The following PCM1 variants were observed in gnomAD, a reference collection of about 807,000 sequenced individuals.
PCM1 encodes pericentriolar material 1, also known as pericentriolar material 1 protein.
Under a neutral mutation model 241.9 loss-of-function variants are expected in PCM1, and 157 were observed. That is an observed-to-expected ratio of 0.65 (90% CI 0.57 to 0.74). The LOEUF (loss-of-function observed/expected upper bound fraction) is 0.74, where lower values mean the gene tolerates loss of function less well. Among genes scored for constraint, PCM1 ranks in the 30% least tolerant of loss-of-function variants. The probability of loss-of-function intolerance (pLI) is 0.00; values close to 1 mark genes in which losing one functional copy is unlikely to be tolerated. For missense variants in PCM1, 3,478 were observed against 2,360.1 expected, an observed-to-expected ratio of 1.47 and a Z score of -9.81; for synonymous variants, 1,085 against 784.9, an observed-to-expected ratio of 1.38 and a Z score of -6.39.
chr8:17,975,887 A>T (rs1355032485), intron 23 of PCM1, among the ~76,000 whole-genome samples: 1 of 152,146 alleles, frequency 6.6e-6, no homozygotes, highest in Non-Finnish European at 1.5e-5. Flanking sequence ...TCAGACTTAG[A>T]CCTTATGAGT....
intron 23 of PCM1, 50 bp from the exon 24 acceptor site, chr8:17,980,541 T>C: frequency 6.8e-7 from 1 of 1,479,314 alleles, no homozygotes; most frequent in Middle Eastern, 1.8e-4. Context: ...ATTTCCCTTT[T>C]AGTTTGAGTT....
At position 17,953,046 on chromosome 8, in the gene PCM1, C is replaced by A; in HGVS notation, c.1148C>A (p.Pro383Gln). ...AGGGAGGTTTCCCAGAGCAGGAAAC[C>A]ATCAGCTTCAGAACGTTTACCTGAT... Reference protein sequence around the residue: ...LTREVSQSRKPSASERLPDEK... With the variant: ...LTREVSQSRKQSASERLPDEK... Residue 383 changes from proline to glutamine, a missense_variant, in exon 9 of 39, where the codon CCA becomes CAA. Coordinates refer to ENST00000325083, the MANE Select transcript of PCM1 (RefSeq NM_006197.4). 6.2e-7 allele frequency: 1 copy of A among 1,607,386 alleles called. No individual in the cohort carries two copies. The highest frequency in any genetic ancestry group is 1.1e-5 in the South Asian group (1 of 89,662).
rs373373091 is a variant in PCM1 at position 17,985,514 on chromosome 8, A to C, written c.4176A>C (p.Leu1392Phe). 4.4e-6 allele frequency: 7 copies of C among 1,579,004 alleles called. No individual in the cohort carries two copies. The African/African-American group carries it at 9.4e-5, about 21-fold the overall frequency. ...RDTIYSEVAT[L>F]ISQNESRPHF... is the part of the protein sequence containing the mutation. ...CTATTTATTCTGAAGTAGCTACATT[A>C]ATTTCTCAAAATGAATCTCGTCCAC... The change falls in exon 25 of 39, where the codon TTA becomes TTC. Residue 1392 changes from leucine (L) to phenylalanine (F), a missense_variant. By Grantham distance (22) the Leu-to-Phe change is conservative (BLOSUM62 0). Transcript: ENST00000325083.
chr8:17,983,214 T>G, intron 24 of PCM1: 1 of 1,300,418 alleles, frequency 7.7e-7, no homozygotes, highest in South Asian at 1.2e-5. Flanking sequence ...TTCATCCTTA[T>G]GTCTGCCCTT....
In PCM1 at chr8:18,024,202, A is replaced by G. The variant is rs149905218; in HGVS notation, c.5842-1159A>G. Among the ~76,000 whole-genome samples the G allele has an allele frequency of 1.2e-3, 190 of 152,308 alleles. 1 individual carries two copies. Among genetic ancestry groups the G allele is most frequent in the African/African-American group, 4.3e-3 (178 of 41,568 alleles). ...GGCAACATAGTAAGACCCTGTCTCT[A>G]CAAAAAATTAAAAATTAGCCAGGCG... On this transcript the variant is annotated intron_variant, in intron 36 of 38. Transcript: ENST00000325083.
intron 7 of PCM1, among the ~76,000 whole-genome samples, chr8:17,948,492 TC>T (rs1351178038): frequency 6.6e-6 from 1 of 151,414 alleles, no homozygotes; most frequent in African/African-American, 2.4e-5. Flanking sequence ...TTTAGTAGAG[TC>T]GGGGTTTCAC....
rs772384244 is a variant in PCM1 at position 17,950,730 on chromosome 8, C to G, written c.1071+6C>G. 1 of 1,483,192 alleles carries G rather than the reference C, an allele frequency of 6.7e-7. No individual in the cohort carries two copies. The allele number at this position is 1,483,192 out of a possible 1,614,324, so 91.9% of individuals were successfully genotyped here. A position where few individuals can be genotyped will look rare whatever the true frequency, so the allele number is the denominator to read the frequency against. Reference sequence around the variant, plus strand: ...ATCAGCTTCGTGATTCTCAGGTAACCTAGATGTTTTAGTATAGTTGAGTTT... The same window carrying G: ...ATCAGCTTCGTGATTCTCAGGTAACGTAGATGTTTTAGTATAGTTGAGTTT... On this transcript the variant is annotated splice_donor_region_variant and intron_variant, in intron 8 of 38. Coordinates refer to ENST00000325083, the MANE Select transcript of PCM1 (RefSeq NM_006197.4).
At chr8:17,936,670 A>G (rs899230978) in intron 3 of PCM1, among the ~76,000 whole-genome samples, 1 of 152,208 alleles carries the variant, frequency 6.6e-6, no homozygotes, top group Non-Finnish European at 1.5e-5. Flanking sequence ...CAAAATAAAT[A>G]GCCTAGGGTC....
At position 18,027,854 on chromosome 8, in the gene PCM1, C is replaced by A; in HGVS notation, c.*192C>A. The A allele has an allele frequency of 2.5e-6, 1 of 399,228 alleles. No homozygotes were observed. Among genetic ancestry groups the A allele is most frequent in the African/African-American group, 2.1e-5 (1 of 48,324 alleles). 24.7% of individuals were successfully genotyped at this position (399,228 alleles called of 1,614,324 possible). A position where few individuals can be genotyped will look rare whatever the true frequency, so the allele number is the denominator to read the frequency against. ...AATTCTGGACAGATTTAAGCCTTGA[C>A]ACACTGTGTTTTTTTTTTTTTCCCC... On this transcript the variant is annotated 3_prime_UTR_variant, in exon 39 of 39. Coordinates refer to ENST00000325083, the MANE Select transcript of PCM1 (RefSeq NM_006197.4).
chr8:17,987,999 T>G (rs2083180750), intron 26 of PCM1, among the ~76,000 whole-genome samples: 1 of 151,686 alleles, frequency 6.6e-6, no homozygotes, highest in Non-Finnish European at 1.5e-5. Context: ...TTAAGATGTG[T>G]AAGAGATACC....
chr8:17,949,772 C>T (rs1365313025), intron 7 of PCM1, among the ~76,000 whole-genome samples: 1 of 152,172 alleles, frequency 6.6e-6, no homozygotes, highest in Non-Finnish European at 1.5e-5. Context: ...GTTGGAATTA[C>T]AGGTGTGAGA....
intron 9 of PCM1, 36 bp from the exon 10 acceptor site, chr8:17,955,434 A>C: frequency 6.7e-7 from 1 of 1,495,666 alleles, no homozygotes; most frequent in Non-Finnish European, 8.9e-7. Flanking sequence ...GTAACTGGTG[A>C]TTAAAAAAAA....
Position 17,971,910 on chromosome 8 carries a change from A to G in PCM1, c.3585-419A>G, listed in dbSNP as rs575279845. 3.9e-3 allele frequency among the ~76,000 whole-genome samples: 596 copies of G among 152,108 alleles called. 4 individuals carry two copies. The highest frequency in any genetic ancestry group is 0.014 in the African/African-American group (580 of 41,514). ...AGGCACATGCCACTGTGCCTGGCTC[A>G]TTTTTAAAATTTTTTTTAGAGACGG... On this transcript the variant is annotated intron_variant, in intron 22 of 38. Coordinates refer to ENST00000325083, the MANE Select transcript of PCM1 (RefSeq NM_006197.4).
At chr8:17,986,524 T>C (rs2082662503) in intron 26 of PCM1, among the ~76,000 whole-genome samples, 1 of 141,156 alleles carries the variant, frequency 7.1e-6, no homozygotes, top group Non-Finnish European at 1.6e-5. Context: ...AGGAAAAAAA[T>C]TGTAATTTAA....
In PCM1 at chr8:17,960,091, C is replaced by A. The variant is rs758328825; in HGVS notation, c.2118C>A (p.Thr706=). ...LDDFYPAEED[T]KQNSNNTRGN... The stretch of plus-strand genomic sequence containing the variant: ...ATTTCTACCCAGCAGAAGAAGACAC[C>A]AAGCAAAATTCAAATAACACTAGAG... The change falls in exon 14 of 39, where the codon ACC becomes ACA. Residue 706 remains threonine (T), a synonymous_variant. Coordinates refer to ENST00000325083, the MANE Select transcript of PCM1 (RefSeq NM_006197.4). 6.2e-7 allele frequency: 1 copy of A among 1,608,532 alleles called. No homozygotes were observed. The highest frequency in any genetic ancestry group is 8.5e-7 in the Non-Finnish European group (1 of 1,176,826).
chr8:17,983,174 C>G (rs1377841203), intron 24 of PCM1: 4 of 814,670 alleles, frequency 4.9e-6, no homozygotes, highest in Non-Finnish European at 5.2e-6. Context: ...TGTTATAGAC[C>G]CTGTCTTTAC....
chr8:17,981,439 T>C (rs773202159), intron 24 of PCM1, among the ~76,000 whole-genome samples: 4 of 152,182 alleles, frequency 2.6e-5, no homozygotes, highest in Non-Finnish European at 4.4e-5. Flanking sequence ...CACATTATTA[T>C]AGTATTTCCC....
At chr8:17,961,946 C>T (rs1337363544) in intron 15 of PCM1, 88 bp from the exon 16 acceptor site, 2 of 1,100,728 alleles carry the variant, frequency 1.8e-6, no homozygotes, top group East Asian at 5.3e-5. Flanking sequence ...GCACTAGAGC[C>T]TTAGTGCCAT....
chr8:17,935,513 T>TA, intron 2 of PCM1, 76 bp from the exon 3 acceptor site: 1 of 626,408 alleles, frequency 1.6e-6, no homozygotes, highest in Non-Finnish European at 2.9e-6. Flanking sequence ...ATTGTATTGC[T>TA]AAACTTCATG....
Sources: allele counts gnomAD v4.1 joint callset (sites outside exome capture counted in the v4.1 genomes callset), GRCh38; gene constraint gnomAD v4.1.1; transcripts MANE v1.5; gene names NCBI Gene and HGNC (gene_info 2026-07-23, HGNC 2026-07-21).